EFTUD2: variants seen among roughly 807,000 people sequenced by gnomAD.
The protein encoded by EFTUD2 is 116 kDa U5 small nuclear ribonucleoprotein component.
In EFTUD2, 9 loss-of-function variants were observed where a neutral mutation model predicts 114.3. The observed-to-expected ratio is 0.08, with a 90% confidence interval of 0.05 to 0.14. EFTUD2 has a LOEUF of 0.14. Among genes scored for constraint, EFTUD2 ranks in the 10% least tolerant of loss-of-function variants. EFTUD2 has a pLI of 1.00. For missense variants in EFTUD2, 765 were observed against 1,241.2 expected (o/e 0.62, Z 5.76); for synonymous variants, 449 against 462.3 (o/e 0.97, Z 0.37).
At chr17:44,898,746 C>T (rs8068761) in intron 1 of EFTUD2, among the ~76,000 whole-genome samples, 39,758 of 152,124 alleles carry the variant, frequency 0.26, 5,273 homozygotes, top group Non-Finnish European at 0.28. Context: ...TGTTTTATTG[C>T]TATTCACAAA....
At chr17:44,866,218 G>A (rs1451232769) in intron 13 of EFTUD2, among the ~76,000 whole-genome samples, 1 of 152,106 alleles carries the variant, frequency 6.6e-6, no homozygotes, top group Non-Finnish European at 1.5e-5. Context: ...AAACAGTTAA[G>A]AAAGCAAAGT....
At chr17:44,894,358 G>A (rs1386714142) in intron 2 of EFTUD2, 59 bp downstream of exon 2, 4 of 1,402,400 alleles carry the variant, frequency 2.9e-6, no homozygotes, top group Admixed American at 1.7e-5. Context: ...AAGAGAGTGA[G>A]ATCTTGTCTT....
intron 13 of EFTUD2, among the ~76,000 whole-genome samples, chr17:44,866,619 T>C (rs2050750702): frequency 6.6e-6 from 1 of 152,090 alleles, no homozygotes; most frequent in Non-Finnish European, 1.5e-5. Context: ...ACTCAAGTGA[T>C]CCTCCCGCCT....
chr17:44,894,540 G>A lies in EFTUD2; in HGVS notation c.-4-15C>T. 2 of 1,591,778 alleles carry A rather than the reference G, an allele frequency of 1.3e-6. No homozygotes were observed. Among genetic ancestry groups the A allele is most frequent in the South Asian group, 1.1e-5 (1 of 90,642 alleles). ...TATCCATGATGCTAAAATTCAAGGA[G>A]AGAAGAGTTAGATTCTGACAAGGTA... is the stretch of plus-strand genomic sequence containing the variant. On this transcript the variant is annotated splice_polypyrimidine_tract_variant and intron_variant, in intron 1 of 27. Coordinates refer to ENST00000426333, the MANE Select transcript of EFTUD2 (RefSeq NM_004247.4).
Position 44,854,182 on chromosome 17 carries a change from A to C in EFTUD2, c.2347+87T>G, listed in dbSNP as rs1385202219. ...TACCCCAAGCTGCTTCTCCTGCCGA[A>C]TCCTAAAGATGGTGAGCCCATCCCA... On this transcript the variant is annotated intron_variant, in intron 23 of 27. Transcript: ENST00000426333. This position sits in a 1 kb window ranked among gnomAD's most constrained non-coding sequence, Gnocchi z 4.3. 6.8e-7 allele frequency: 1 copy of C among 1,463,118 alleles called. No homozygotes were observed. The highest frequency in any genetic ancestry group is 9.2e-7 in the Non-Finnish European group (1 of 1,082,498). The allele number at this position is 1,463,118 out of a possible 1,614,324, so 90.6% of individuals were successfully genotyped here.
chr17:44,863,971 C>T (rs1043149927), intron 14 of EFTUD2, 189 bp from the exon 15 acceptor site: 5 of 657,156 alleles, frequency 7.6e-6, no homozygotes, highest in African/African-American at 5.6e-5. Context: ...TTGGAGTCAC[C>T]CTGATGCCAG....
chr17:44,860,721 C>T, intron 16 of EFTUD2, among the ~76,000 whole-genome samples, 178 bp from the exon 17 acceptor site: 1 of 151,816 alleles, frequency 6.6e-6, no homozygotes, highest in Non-Finnish European at 1.5e-5. Flanking sequence ...TGCGTCAGCC[C>T]CCCAAGTAGC....
At chr17:44,872,714 C>G (rs994998791) in intron 10 of EFTUD2, 144 bp from the exon 11 acceptor site, 3 of 1,007,614 alleles carry the variant, frequency 3.0e-6, no homozygotes, top group Non-Finnish European at 4.1e-6. Context: ...TGCCAACAGC[C>G]TGGTCCAAGA....
intron 16 of EFTUD2, among the ~76,000 whole-genome samples, chr17:44,860,790 G>T (rs1188784868): frequency 6.6e-6 from 1 of 151,694 alleles, no homozygotes; most frequent in Non-Finnish European, 1.5e-5. Context: ...GTAGAGACGG[G>T]GTTTTTTCAT....
At chr17:44,896,840 A>G (rs1319928893) in intron 1 of EFTUD2, among the ~76,000 whole-genome samples, 4 of 152,208 alleles carry the variant, frequency 2.6e-5, no homozygotes, top group Non-Finnish European at 5.9e-5. Flanking sequence ...CCTGATTCCT[A>G]TTCTTCAACT....
chr17:44,873,456 C>T (rs1245766764), intron 10 of EFTUD2, among the ~76,000 whole-genome samples: 1 of 152,034 alleles, frequency 6.6e-6, no homozygotes, highest in Non-Finnish European at 1.5e-5. Flanking sequence ...CTCAAGCTCA[C>T]GCAATCCTCC....
At chr17:44,880,682 G>C (rs1200190553) in intron 7 of EFTUD2, 38 bp from the exon 8 acceptor site, 6 of 1,555,766 alleles carry the variant, frequency 3.9e-6, no homozygotes, top group Middle Eastern at 3.5e-4. Flanking sequence ...CTCTTCCTAT[G>C]CAAGAGGGGT....
In EFTUD2 at chr17:44,855,034, C is replaced by A. The variant is rs377195057; in HGVS notation, c.2046-30G>T. The A allele has an allele frequency of 7.6e-6, 12 of 1,582,604 alleles. No homozygotes were observed. The African/African-American group carries it at 8.1e-5, about 11-fold the overall frequency. ...TCAGAATGGAAATGGGTGGTAAGGA[C>A]GGCTAACAGAACAGCAGAAGAGGCA... is the stretch of plus-strand genomic sequence containing the variant. On this transcript the variant is annotated intron_variant, in intron 20 of 27. Transcript: ENST00000426333.
chr17:44,889,969 A>G (rs1472251987), intron 2 of EFTUD2, among the ~76,000 whole-genome samples: 2 of 152,188 alleles, frequency 1.3e-5, no homozygotes, highest in Admixed American at 1.3e-4. Flanking sequence ...AAATAAAACT[A>G]AACAAATATT....
intron 3 of EFTUD2, 27 bp downstream of exon 3, chr17:44,886,558 C>T (rs561311336): frequency 9.3e-6 from 15 of 1,610,466 alleles, no homozygotes; most frequent in African/African-American, 8.0e-5. Context: ...AATTTCACTC[C>T]GCACAGCCCA....
chr17:44,872,671 C>T lies in EFTUD2; in HGVS notation c.870-101G>A, dbSNP rs1445921222. 22 of 1,422,774 alleles carry T rather than the reference C, an allele frequency of 1.5e-5. 1 individual carries two copies. The highest frequency in any genetic ancestry group is 2.8e-4 in the Middle Eastern group (1 of 3,628). The allele number at this position is 1,422,774 out of a possible 1,614,324, so 88.1% of individuals were successfully genotyped here. A position where few individuals can be genotyped will look rare whatever the true frequency, so the allele number is the denominator to read the frequency against. ...CTCGGTATCACAGCCACTCTCCAGC[C>T]CTCGGAAGGGACTTGTGCAAGACAC... On this transcript the variant is annotated intron_variant, in intron 10 of 27. Transcript: ENST00000426333.
chr17:44,850,114 A>AATACATGTGAAAGTGTTTCG lies in EFTUD2; in HGVS notation c.*1140_*1159dup. ...CTGCTGTGAGGTTTCTCAGATACACAATACATGTGAAAGTGTTTCGTGAAC... is the reference window on the plus strand; with the variant it reads ...CTGCTGTGAGGTTTCTCAGATACACAATACATGTGAAAGTGTTTCGATACATGTGAAAGTGTTTCGTGAAC... On this transcript the variant is annotated 3_prime_UTR_variant, in exon 28 of 28. Coordinates refer to ENST00000426333, the MANE Select transcript of EFTUD2 (RefSeq NM_004247.4). The AATACATGTGAAAGTGTTTCG allele has an allele frequency of 2.0e-6, 1 of 503,610 alleles. No homozygotes were observed. Among genetic ancestry groups the AATACATGTGAAAGTGTTTCG allele is most frequent in the Non-Finnish European group, 3.6e-6 (1 of 276,654 alleles). 31.2% of individuals were successfully genotyped at this position (503,610 alleles called of 1,614,324 possible). A position where few individuals can be genotyped will look rare whatever the true frequency, so the allele number is the denominator to read the frequency against.
rs2050632665 is a variant in EFTUD2 at position 44,860,311 on chromosome 17, A to G, written c.1719+121T>C. The stretch of plus-strand genomic sequence containing the variant: ...GGGAGAATCCAGCAGGGTCATATCT[A>G]GAAGGCTAAGCCTGAAACCAGGACA... On this transcript the variant is annotated intron_variant, in intron 17 of 27. Transcript: ENST00000426333. 41 of 807,130 alleles carry G rather than the reference A, an allele frequency of 5.1e-5. No individual in the cohort carries two copies. The South Asian group carries it at 6.3e-4, about 12-fold the overall frequency. 50.0% of individuals were successfully genotyped at this position (807,130 alleles called of 1,614,324 possible). A position where few individuals can be genotyped will look rare whatever the true frequency, so the allele number is the denominator to read the frequency against.
intron 2 of EFTUD2, among the ~76,000 whole-genome samples, chr17:44,888,142 C>G (rs2051210501): frequency 1.3e-5 from 2 of 152,198 alleles, no homozygotes; most frequent in South Asian, 4.1e-4. Context: ...CATGTGGCAA[C>G]TTTGAGGTTT....
Sources: allele counts gnomAD v4.1 joint callset (sites outside exome capture counted in the v4.1 genomes callset), GRCh38; gene constraint gnomAD v4.1.1; non-coding constraint Gnocchi (gnomAD v3.1); transcripts MANE v1.5; gene names NCBI Gene and HGNC (gene_info 2026-07-23, HGNC 2026-07-21).